MARCHF1: variants seen among roughly 807,000 people sequenced by gnomAD.
MARCHF1 encodes the protein E3 ubiquitin-protein ligase MARCHF1.
MARCHF1 carries 40 observed loss-of-function variants against 54.2 expected under a neutral mutation model. The observed-to-expected ratio is 0.74, with a 90% CI of 0.57 to 0.96. MARCHF1 has a LOEUF of 0.96. Ranked by LOEUF, MARCHF1 falls within the 40% of genes least tolerant of loss-of-function variation. The probability of loss-of-function intolerance (pLI) is 0.00; values close to 1 mark genes in which losing one functional copy is unlikely to be tolerated. For synonymous variants in MARCHF1, 236 were observed against 236.3 expected (o/e 1.00, Z 0.01); for missense variants, 586 against 656.5 (o/e 0.89, Z 1.17).
At chr4:164,072,894 G>A (rs1754899051) in intron 2 of MARCHF1, among the ~76,000 whole-genome samples, 1 of 152,138 alleles carries the variant, frequency 6.6e-6, no homozygotes, top group Non-Finnish European at 1.5e-5. Context: ...GGTCATATAA[G>A]ACAACAGGAA....
intron 4 of MARCHF1, among the ~76,000 whole-genome samples, chr4:163,845,223 T>C (rs1356306555): frequency 6.6e-6 from 1 of 152,154 alleles, no homozygotes; most frequent in Non-Finnish European, 1.5e-5. Flanking sequence ...TTTATTTCAC[T>C]TGTCTTTTAC....
intron 3 of MARCHF1, among the ~76,000 whole-genome samples, chr4:163,987,479 A>C (rs1003062607): frequency 7.9e-5 from 12 of 151,590 alleles, no homozygotes; most frequent in Non-Finnish European, 1.3e-4. Flanking sequence ...CCTTTCAAAC[A>C]CTCCTTGACA....
intron 1 of MARCHF1, among the ~76,000 whole-genome samples, chr4:164,157,229 C>T (rs982409884): frequency 6.6e-6 from 1 of 151,586 alleles, no homozygotes; most frequent in Non-Finnish European, 1.5e-5. Flanking sequence ...ATATATAATT[C>T]ATACTTATAG....
chr4:163,613,650 T>C, intron 5 of MARCHF1: 2 of 1,406,540 alleles, frequency 1.4e-6, no homozygotes. Flanking sequence ...ATTCCACAAG[T>C]TTCTATTCTA....
chr4:163,641,067 T>C (rs1261988658), intron 5 of MARCHF1, among the ~76,000 whole-genome samples: 1 of 152,142 alleles, frequency 6.6e-6, no homozygotes, highest in East Asian at 1.9e-4. Context: ...AACCTATAAG[T>C]GCAGTCTCTA....
At chr4:164,217,405 G>A (rs1035344523) in intron 1 of MARCHF1, among the ~76,000 whole-genome samples, 1 of 152,046 alleles carries the variant, frequency 6.6e-6, no homozygotes. Flanking sequence ...ATGATTCTGT[G>A]TATTCATTCA....
At chr4:163,896,680 C>A (rs181687638) in intron 3 of MARCHF1, among the ~76,000 whole-genome samples, 32 of 152,242 alleles carry the variant, frequency 2.1e-4, no homozygotes, top group Admixed American at 1.8e-3. Flanking sequence ...TATCTCTTAT[C>A]CTGGCAATAT....
At chr4:163,803,030 A>G (rs1218532073) in intron 4 of MARCHF1, among the ~76,000 whole-genome samples, 1 of 152,124 alleles carries the variant, frequency 6.6e-6, no homozygotes, top group African/African-American at 2.4e-5. Context: ...GACTCCCTAT[A>G]TATTTAAATC....
intron 2 of MARCHF1, among the ~76,000 whole-genome samples, chr4:164,014,140 C>T (rs982998634): frequency 2.7e-5 from 4 of 147,828 alleles, no homozygotes; most frequent in Non-Finnish European, 5.9e-5. Context: ...TGCAGTGACC[C>T]GAGATCGCAT....
chr4:164,170,518 G>A (rs1455982968), intron 1 of MARCHF1, among the ~76,000 whole-genome samples: 8 of 152,138 alleles, frequency 5.3e-5, no homozygotes, highest in Non-Finnish European at 1.5e-5. Flanking sequence ...AAGATTAAAT[G>A]AGATAATATA....
chr4:164,076,640 T>C (rs1284337732), intron 2 of MARCHF1, among the ~76,000 whole-genome samples: 1 of 152,140 alleles, frequency 6.6e-6, no homozygotes, highest in Non-Finnish European at 1.5e-5. Flanking sequence ...GAAAACCCCA[T>C]TGCCTGAGCC....
chr4:163,695,254 G>A (rs6843520), intron 5 of MARCHF1, among the ~76,000 whole-genome samples: 57,854 of 151,960 alleles, frequency 0.38, 11,824 homozygotes, highest in Non-Finnish European at 0.47. Context: ...TTAAAGGCAA[G>A]TCTGGAAAAA....
At chr4:163,960,203 G>T (rs1469564036) in intron 3 of MARCHF1, among the ~76,000 whole-genome samples, 1 of 151,966 alleles carries the variant, frequency 6.6e-6, no homozygotes, top group Non-Finnish European at 1.5e-5. Flanking sequence ...ATACACTGTT[G>T]GTGGGAATGT....
intron 4 of MARCHF1, among the ~76,000 whole-genome samples, chr4:163,761,256 G>A (rs1218088234): frequency 6.6e-6 from 1 of 152,194 alleles, no homozygotes; most frequent in Non-Finnish European, 1.5e-5. Flanking sequence ...AGATGTTTAA[G>A]CAGTTTCTGT....
At chr4:164,302,081 A>G (rs139408681) in intron 1 of MARCHF1, among the ~76,000 whole-genome samples, 67 of 152,316 alleles carry the variant, frequency 4.4e-4, no homozygotes, top group Non-Finnish European at 7.9e-4. Context: ...TGTTTGACCA[A>G]TGGGCATTCA....
At chr4:163,808,834 G>T (rs1487715931) in intron 4 of MARCHF1, among the ~76,000 whole-genome samples, 1 of 152,140 alleles carries the variant, frequency 6.6e-6, no homozygotes, top group Non-Finnish European at 1.5e-5. Context: ...CTCCCAAAGT[G>T]CCGGGATTAC....
chr4:164,274,255 C>A (rs374757673), intron 1 of MARCHF1, among the ~76,000 whole-genome samples: 4 of 152,186 alleles, frequency 2.6e-5, no homozygotes, highest in East Asian at 1.9e-4. Flanking sequence ...TACGTACATT[C>A]AGCTTAACTA....
intron 4 of MARCHF1, among the ~76,000 whole-genome samples, chr4:163,703,724 C>T (rs556617210): frequency 3.4e-4 from 52 of 152,176 alleles, no homozygotes; most frequent in African/African-American, 1.3e-3. Flanking sequence ...AGTATACAGA[C>T]AGGGAGAGAG....
Position 163,807,213 on chromosome 4 carries a change from C to T in MARCHF1, c.111+46808G>A, listed in dbSNP as rs531687351. Among the ~76,000 whole-genome samples the T allele has an allele frequency of 3.3e-5, 5 of 152,166 alleles. No individual in the cohort carries two copies. The East Asian group carries it at 9.6e-4, about 29-fold the overall frequency. On this transcript the variant is annotated intron_variant, in intron 4 of 9. Transcript: ENST00000514618. ...AATGGGTCAATATATAAACAATTTA[C>T]TATGAGGAAAACATAAATGACTAAA...
Sources: allele counts gnomAD v4.1 joint callset (sites outside exome capture counted in the v4.1 genomes callset), GRCh38; gene constraint gnomAD v4.1.1; transcripts MANE v1.5; gene names NCBI Gene and HGNC (gene_info 2026-07-23, HGNC 2026-07-21).